GRB10: variants seen among roughly 807,000 people sequenced by gnomAD.
GRB10 encodes the protein growth factor receptor-bound protein 10.
In GRB10, 20 loss-of-function variants were observed where a neutral mutation model predicts 80.9. That is an observed-to-expected ratio of 0.25 (90% CI 0.17 to 0.36). The LOEUF is 0.36. GRB10 is among the 10% of genes least tolerant of loss of function. The pLI is 1.00. For synonymous variants in GRB10, 291 were observed against 291.5 expected (o/e 1.00, Z 0.02); for missense variants, 548 against 747.7 (o/e 0.73, Z 3.12).
At chr7:50,750,717 C>T (rs1442808439) in intron 3 of GRB10, among the ~76,000 whole-genome samples, 1 of 152,182 alleles carries the variant, frequency 6.6e-6, no homozygotes, top group African/African-American at 2.4e-5. Flanking sequence ...GTTTGTACAT[C>T]ACAAAAGACA....
At position 50,676,345 on chromosome 7, in the gene GRB10, G is replaced by GC. The variant is rs987337381; in HGVS notation, c.140-1688_140-1687insG. ...TAGTGTCCACCCCACCGGGGGGGGGGGGGGGTTGTAAGGACTAGGTTAGTT... is the reference window on the plus strand; with the variant it reads ...TAGTGTCCACCCCACCGGGGGGGGGGCGGGGGTTGTAAGGACTAGGTTAGTT... On this transcript the variant is annotated intron_variant, in intron 5 of 18. Coordinates refer to ENST00000401949, the MANE Select transcript of GRB10 (RefSeq NM_001350814.2). Among the ~76,000 whole-genome samples the GC allele has an allele frequency of 1.1e-3, 166 of 149,140 alleles. 9 individuals carry two copies. The highest frequency in any genetic ancestry group is 2.0e-3 in the Non-Finnish European group (136 of 66,766).
intron 7 of GRB10, among the ~76,000 whole-genome samples, chr7:50,656,531 A>C (rs2058666625): frequency 6.6e-6 from 1 of 152,300 alleles, no homozygotes; most frequent in Non-Finnish European, 1.5e-5. Flanking sequence ...CTTGTCATAA[A>C]ATTACTATAC....
chr7:50,598,013 GCCACCA>G (rs72340375), intron 17 of GRB10, among the ~76,000 whole-genome samples: 7,179 of 152,106 alleles, frequency 0.047, 516 homozygotes, highest in African/African-American at 0.16. Flanking sequence ...ACAGGTGCCC[GCCACCA>G]CACCCAGCTA....
At chr7:50,626,691 G>A (rs1441493248) in intron 8 of GRB10, 131 bp downstream of exon 8, 4 of 1,000,394 alleles carry the variant, frequency 4.0e-6, no homozygotes, top group Non-Finnish European at 6.3e-6. Flanking sequence ...AGAGTCGAGG[G>A]GAACCCAGAG....
chr7:50,713,567 C>T (rs932156399), intron 4 of GRB10, among the ~76,000 whole-genome samples: 5 of 149,164 alleles, frequency 3.4e-5, no homozygotes, highest in African/African-American at 1.2e-4. Flanking sequence ...ACCTCCTCCA[C>T]CATCTCCATC....
intron 1 of GRB10, among the ~76,000 whole-genome samples, chr7:50,781,827 C>T (rs2078313458): frequency 6.6e-6 from 1 of 152,242 alleles, no homozygotes; most frequent in Non-Finnish European, 1.5e-5. Context: ...ACCCCATGCC[C>T]ACATCTTCAC....
intron 5 of GRB10, among the ~76,000 whole-genome samples, chr7:50,687,172 T>C (rs2062199343): frequency 6.6e-6 from 1 of 152,186 alleles, no homozygotes; most frequent in African/African-American, 2.4e-5. Flanking sequence ...TTTTAGTTTC[T>C]TGGAAAAAGG....
chr7:50,595,833 C>T, intron 17 of GRB10: 1 of 318,414 alleles, frequency 3.1e-6, no homozygotes, highest in Admixed American at 4.4e-5. Flanking sequence ...TTATTTTGTG[C>T]CTGCATATCA....
At chr7:50,624,949 G>A (rs1020835018) in intron 8 of GRB10, among the ~76,000 whole-genome samples, 8 of 147,752 alleles carry the variant, frequency 5.4e-5, no homozygotes, top group African/African-American at 1.0e-4. Context: ...AAGTGTCATC[G>A]CCCACTAGAA....
At chr7:50,698,313 A>T (rs2529404) in intron 5 of GRB10, among the ~76,000 whole-genome samples, 138,357 of 152,302 alleles carry the variant, frequency 0.91, 62,993 homozygotes, top group African/African-American at 0.97. Flanking sequence ...ACATAGAAAT[A>T]TGTAATGGTA....
intron 4 of GRB10, among the ~76,000 whole-genome samples, chr7:50,711,240 A>G (rs967475288): frequency 6.6e-6 from 1 of 151,180 alleles, no homozygotes; most frequent in Non-Finnish European, 1.5e-5. Context: ...GTGCAGTTAA[A>G]AGGGGCTCTC....
chr7:50,787,795 C>A (rs1187834624), upstream of GRB10, among the ~76,000 whole-genome samples: 2 of 152,234 alleles, frequency 1.3e-5, no homozygotes, highest in South Asian at 2.1e-4. Flanking sequence ...ACGTGATTTT[C>A]TTCAGAAGAG....
intron 1 of GRB10, 112 bp from the exon 2 acceptor site, chr7:50,780,848 C>T (rs1212292208): frequency 6.6e-6 from 1 of 152,152 alleles, no homozygotes; most frequent in African/African-American, 2.4e-5. Flanking sequence ...ACACAAGTGT[C>T]AGTGAATTTA....
rs949506632 is a variant in GRB10 at position 50,737,874 on chromosome 7, CA to C, written c.-46-5507del. Among the ~76,000 whole-genome samples, 9 of 151,780 alleles carry C rather than the reference CA, an allele frequency of 5.9e-5. No homozygotes were observed. In the South Asian group the frequency reaches 1.9e-3, roughly 32 times the overall value. On this transcript the variant is annotated intron_variant, in intron 3 of 18. Transcript: ENST00000401949. Reference sequence around the variant, plus strand: ...AAAAACAAACAAACAAACAAAGAAACAAAAAAAACAGACGAATGCAATAAAG... The same window carrying C: ...AAAAACAAACAAACAAACAAAGAAACAAAAAAACAGACGAATGCAATAAAG...
intron 6 of GRB10, among the ~76,000 whole-genome samples, chr7:50,672,951 T>C (rs2060514163): frequency 6.6e-6 from 1 of 151,550 alleles, no homozygotes; most frequent in African/African-American, 2.4e-5. Flanking sequence ...TGACAAAAAG[T>C]GAGAAGTCGG....
intron 7 of GRB10, among the ~76,000 whole-genome samples, chr7:50,635,359 T>C (rs1477669410): frequency 6.6e-6 from 1 of 152,078 alleles, no homozygotes; most frequent in Non-Finnish European, 1.5e-5. Flanking sequence ...TCAACACCTC[T>C]GGAATACAGC....
intron 5 of GRB10, among the ~76,000 whole-genome samples, chr7:50,681,838 T>C (rs2061574068): frequency 6.6e-6 from 1 of 152,224 alleles, no homozygotes; most frequent in African/African-American, 2.4e-5. Context: ...TTTTAAGTCA[T>C]TTTGCCCTAG....
intron 5 of GRB10, among the ~76,000 whole-genome samples, chr7:50,696,967 A>G (rs531276329): frequency 2.0e-5 from 3 of 152,332 alleles, no homozygotes; most frequent in South Asian, 2.1e-4. Flanking sequence ...ACACAATGGA[A>G]TATTATTTGG....
chr7:50,731,444 C>A (rs6973119), intron 4 of GRB10, among the ~76,000 whole-genome samples: 138,312 of 152,260 alleles, frequency 0.91, 62,955 homozygotes, highest in African/African-American at 0.96. Flanking sequence ...AAGCTGACCA[C>A]AGCCTGAACA....
Sources: gnomAD v4.1 joint callset for allele counts (sites outside exome capture counted in the v4.1 genomes callset) on GRCh38, gnomAD v4.1.1 for gene constraint, MANE v1.5 for transcripts, NCBI Gene and HGNC (gene_info 2026-07-23, HGNC 2026-07-21) for gene names.